CYP20A1: variants seen among roughly 807,000 people sequenced by gnomAD.
CYP20A1 encodes the protein cytochrome P450 family 20 subfamily A member 1.
CYP20A1 carries 61 observed loss-of-function variants against 61.4 expected under a neutral mutation model. The observed-to-expected ratio is 0.99, with a 90% CI of 0.81 to 1.23. The LOEUF is 1.23. Ranked by LOEUF, CYP20A1 falls within the 50% of genes most tolerant of loss-of-function variation. The pLI, the probability that CYP20A1 is intolerant of heterozygous loss-of-function variation, is 0.00. For synonymous variants in CYP20A1, 193 were observed against 188.2 expected, an observed-to-expected ratio of 1.03 and a Z score of -0.21; for missense variants, 530 against 542.4, an observed-to-expected ratio of 0.98 and a Z score of 0.23.
At chr2:203,246,723 G>T (rs760064056) in intron 2 of CYP20A1, 32 bp from the exon 3 acceptor site, 2 of 1,596,342 alleles carry the variant, frequency 1.3e-6, no homozygotes, top group Admixed American at 1.8e-5. Context: ...AAATTAAATT[G>T]ATTATTTTGT....
In CYP20A1 at chr2:203,302,708, G is replaced by A. The variant is rs541345515; in HGVS notation, c.*5800G>A. On this transcript the variant is annotated 3_prime_UTR_variant, in exon 13 of 13. Coordinates refer to ENST00000356079, the MANE Select transcript of CYP20A1 (RefSeq NM_177538.3). ...TTTTGTCATTCTTTATCTTTTTTGTGTGTGTGTGACAGAGTCTCACTGTCA... is the reference window on the plus strand; with the variant it reads ...TTTTGTCATTCTTTATCTTTTTTGTATGTGTGTGACAGAGTCTCACTGTCA... Among the ~76,000 whole-genome samples the A allele has an allele frequency of 1.3e-5, 2 of 152,024 alleles. No homozygotes were observed. Among genetic ancestry groups the A allele is most frequent in the Admixed American group, 6.6e-5 (1 of 15,242 alleles).
chr2:203,273,912 A>G (rs1372334030), intron 6 of CYP20A1, among the ~76,000 whole-genome samples: 2 of 152,172 alleles, frequency 1.3e-5, no homozygotes, highest in Admixed American at 1.3e-4. Context: ...GTGCCACTGC[A>G]CTCCAGCCTT....
intron 4 of CYP20A1, among the ~76,000 whole-genome samples, chr2:203,257,500 T>A (rs1435751742): frequency 1.3e-5 from 2 of 151,590 alleles, no homozygotes; most frequent in African/African-American, 4.8e-5. Context: ...ATTAAAAAAT[T>A]TTTTTTTTGC....
At chr2:203,293,871 ATTTGT>A (rs1483240139) in intron 11 of CYP20A1, among the ~76,000 whole-genome samples, 2 of 152,160 alleles carry the variant, frequency 1.3e-5, no homozygotes, top group African/African-American at 4.8e-5. Context: ...TACGTGGGTT[ATTTGT>A]TTTGTTTTTA....
chr2:203,249,289 A>G (rs924052621), intron 3 of CYP20A1, among the ~76,000 whole-genome samples: 2 of 152,186 alleles, frequency 1.3e-5, no homozygotes, highest in African/African-American at 4.8e-5. Flanking sequence ...CCGAGGTGCG[A>G]AGATCGCTTG....
At chr2:203,255,994 T>G (rs2066879948) in intron 4 of CYP20A1, among the ~76,000 whole-genome samples, 1 of 152,214 alleles carries the variant, frequency 6.6e-6, no homozygotes, top group South Asian at 2.1e-4. Flanking sequence ...GACAGAGTCT[T>G]GCTGTGTTGC....
At chr2:203,289,179 T>C (rs1300935872) in intron 9 of CYP20A1, among the ~76,000 whole-genome samples, 1 of 152,206 alleles carries the variant, frequency 6.6e-6, no homozygotes, top group African/African-American at 2.4e-5. Context: ...CTTTAAGTTG[T>C]TAATTAAGTT....
At chr2:203,255,780 G>A (rs1460688518) in intron 4 of CYP20A1, among the ~76,000 whole-genome samples, 1 of 152,092 alleles carries the variant, frequency 6.6e-6, no homozygotes, top group Admixed American at 6.6e-5. Flanking sequence ...TAAGTCTTCA[G>A]ATGTACCCTG....
At chr2:203,295,324 C>G (rs933278409) in intron 11 of CYP20A1, among the ~76,000 whole-genome samples, 1 of 152,052 alleles carries the variant, frequency 6.6e-6, no homozygotes, top group African/African-American at 2.4e-5. Context: ...ATCCTCCCAC[C>G]TTGGCGTCAC....
chr2:203,271,052 G>GTATATATATATATA (rs1352823025), intron 5 of CYP20A1, among the ~76,000 whole-genome samples: 2 of 45,746 alleles, frequency 4.4e-5, no homozygotes, highest in African/African-American at 1.4e-4. Flanking sequence ...ATATGTATAT[G>GTATATATATATATA]TGTATATATA....
intron 8 of CYP20A1, among the ~76,000 whole-genome samples, chr2:203,282,160 C>T (rs555177770): frequency 2.4e-4 from 37 of 151,672 alleles, no homozygotes; most frequent in Non-Finnish European, 4.4e-5. Flanking sequence ...GCCTTAGCCC[C>T]CTGAGTAGCT....
chr2:203,274,973 C>G (rs528755614), intron 6 of CYP20A1, among the ~76,000 whole-genome samples: 1 of 152,246 alleles, frequency 6.6e-6, no homozygotes, highest in East Asian at 1.9e-4. Flanking sequence ...CAAATTTGAG[C>G]TTTTATTAGA....
intron 1 of CYP20A1, among the ~76,000 whole-genome samples, chr2:203,241,198 G>A (rs2066242467): frequency 6.6e-6 from 1 of 152,204 alleles, no homozygotes. Flanking sequence ...GGGTTTTGCT[G>A]GTGGTGGTTG....
At chr2:203,274,118 T>C (rs2067715513) in intron 6 of CYP20A1, among the ~76,000 whole-genome samples, 1 of 152,154 alleles carries the variant, frequency 6.6e-6, no homozygotes, top group Non-Finnish European at 1.5e-5. Context: ...TCTCCCTTAT[T>C]ATTTTTTTGT....
chr2:203,278,902 T>C (rs901250080), intron 7 of CYP20A1, among the ~76,000 whole-genome samples: 16 of 152,188 alleles, frequency 1.1e-4, no homozygotes, highest in African/African-American at 3.9e-4. Flanking sequence ...TTCACTTTAA[T>C]CCAGATACCC....
chr2:203,239,396 G>C (rs952237839), intron 1 of CYP20A1, among the ~76,000 whole-genome samples: 1 of 152,156 alleles, frequency 6.6e-6, no homozygotes, highest in East Asian at 1.9e-4. Flanking sequence ...AAAAGCCCGC[G>C]CCCCCGCAGG....
At chr2:203,271,148 C>T (rs1306727937) in intron 5 of CYP20A1, among the ~76,000 whole-genome samples, 5 of 124,476 alleles carry the variant, frequency 4.0e-5, no homozygotes, top group Non-Finnish European at 6.3e-5. Context: ...AGTGCAGTGG[C>T]GCCATCTTGG....
At chr2:203,290,834 G>T (rs891332817) in intron 10 of CYP20A1, among the ~76,000 whole-genome samples, 7 of 151,936 alleles carry the variant, frequency 4.6e-5, no homozygotes, top group Non-Finnish European at 1.0e-4. Context: ...GTAGAGATGG[G>T]GTTTCACCAT....
rs1157730573 is a variant in CYP20A1, at chr2:203,303,947, C to G, written c.*7039C>G. 6.6e-6 allele frequency among the ~76,000 whole-genome samples: 1 copy of G among 151,408 alleles called. No individual in the cohort carries two copies. The highest frequency in any genetic ancestry group is 1.5e-5 in the Non-Finnish European group (1 of 67,924). On this transcript the variant is annotated 3_prime_UTR_variant, in exon 13 of 13. Coordinates refer to ENST00000356079, the MANE Select transcript of CYP20A1 (RefSeq NM_177538.3). ...TATTTAAAGAAATTTTTGGCTGGTG[C>G]CGTGGCTCACACCTGTAATCCCAGC...
Sources: allele counts gnomAD v4.1 joint callset (sites outside exome capture counted in the v4.1 genomes callset), GRCh38; gene constraint gnomAD v4.1.1; transcripts MANE v1.5; gene names NCBI Gene and HGNC (gene_info 2026-07-23, HGNC 2026-07-21).